SLCO5A1: variants seen among roughly 807,000 people sequenced by gnomAD.
SLCO5A1 encodes solute carrier organic anion transporter family member 5A1, also known as organic anion transporter polypeptide-related protein 4.
In SLCO5A1, 39 loss-of-function variants were observed where a neutral mutation model predicts 65.1. The ratio of observed to expected loss-of-function variants is 0.60; its 90% confidence interval spans 0.46 to 0.78. The LOEUF is 0.78. SLCO5A1 is among the 30% of genes least tolerant of loss of function. The pLI, the probability that SLCO5A1 is intolerant of heterozygous loss-of-function variation, is 0.00. For missense variants in SLCO5A1, 1,029 were observed against 1,069.4 expected (o/e 0.96, Z 0.53); for synonymous variants, 438 against 415.7 (o/e 1.05, Z -0.65).
At chr8:69,786,809 G>T (rs1819057854) in intron 2 of SLCO5A1, among the ~76,000 whole-genome samples, 1 of 152,202 alleles carries the variant, frequency 6.6e-6, no homozygotes, top group African/African-American at 2.4e-5. Flanking sequence ...AATATTTGGA[G>T]AAAGCTCTAA....
chr8:69,674,350 CAGGAAGACAGAA>C (rs1173914761), intron 9 of SLCO5A1, among the ~76,000 whole-genome samples: 1 of 152,050 alleles, frequency 6.6e-6, no homozygotes, highest in African/African-American at 2.4e-5. Flanking sequence ...GGAAGGGAGC[CAGGAAGACAGAA>C]AGGAAGGCAG....
Position 69,832,930 on chromosome 8 carries a change from A to G in SLCO5A1, c.-257T>C, listed in dbSNP as rs868071078. ...TCCGCGCGGTACTGCGATGAGCCCT[A>G]CTCGGCGTCCCTCTCCGGGCGGTAG... On this transcript the variant is annotated 5_prime_UTR_variant, in exon 2 of 10. Transcript: ENST00000260126. This position sits in a 1 kb window ranked among gnomAD's most constrained non-coding sequence, Gnocchi z 4.5. 42 of 478,394 alleles carry G rather than the reference A, an allele frequency of 8.8e-5. No individual in the cohort carries two copies. In the Middle Eastern group the frequency reaches 2.1e-3, roughly 24 times the overall value. 29.6% of individuals were successfully genotyped at this position (478,394 alleles called of 1,614,324 possible).
intron 2 of SLCO5A1, among the ~76,000 whole-genome samples, chr8:69,823,493 A>G (rs1586837970): frequency 6.6e-6 from 1 of 152,250 alleles, no homozygotes; most frequent in South Asian, 2.1e-4. Flanking sequence ...CTGATAAAAC[A>G]GACTTTAAAC....
At chr8:69,731,653 CATG>C (rs1446203717) in intron 5 of SLCO5A1, among the ~76,000 whole-genome samples, 1 of 152,208 alleles carries the variant, frequency 6.6e-6, no homozygotes, top group Non-Finnish European at 1.5e-5. Flanking sequence ...TGTAATTCAG[CATG>C]ATATTAATAC....
rs1813268300 is a variant in SLCO5A1, at chr8:69,669,407, A to G, written c.*3462T>C. 1 of 152,222 alleles carries G rather than the reference A, an allele frequency of 6.6e-6. No homozygotes were observed. Among genetic ancestry groups the G allele is most frequent in the African/African-American group, 2.4e-5 (1 of 41,462 alleles). The allele number at this position is 152,222 out of a possible 1,614,324, so 9.4% of individuals were successfully genotyped here. A position where few individuals can be genotyped will look rare whatever the true frequency, so the allele number is the denominator to read the frequency against. ...ATTGTATACATTGCGTAGTGTAAAAAATGAATAATGGAGTGAGAGAAATCT... is the reference window on the plus strand; with the variant it reads ...ATTGTATACATTGCGTAGTGTAAAAGATGAATAATGGAGTGAGAGAAATCT... On this transcript the variant is annotated 3_prime_UTR_variant, in exon 10 of 10. Transcript: ENST00000260126.
chr8:69,740,894 T>C (rs1816764418), intron 4 of SLCO5A1, among the ~76,000 whole-genome samples: 1 of 152,206 alleles, frequency 6.6e-6, no homozygotes, highest in African/African-American at 2.4e-5. Context: ...TAGTCGGTTT[T>C]TATTATTCAC....
chr8:69,741,245 G>A (rs926836281), intron 4 of SLCO5A1, among the ~76,000 whole-genome samples: 5 of 152,212 alleles, frequency 3.3e-5, no homozygotes, highest in Non-Finnish European at 5.9e-5. Flanking sequence ...AAATACTCAT[G>A]TTAGATAAGC....
At chr8:69,684,862 G>GC (rs1192008197) in intron 6 of SLCO5A1, among the ~76,000 whole-genome samples, 3 of 152,028 alleles carry the variant, frequency 2.0e-5, no homozygotes, top group Non-Finnish European at 4.4e-5. Context: ...GCACAGGAAG[G>GC]CCCCCACCAC....
chr8:69,789,229 T>C (rs1586801988), intron 2 of SLCO5A1, among the ~76,000 whole-genome samples: 1 of 152,232 alleles, frequency 6.6e-6, no homozygotes, highest in East Asian at 1.9e-4. Context: ...TATGTCTCCA[T>C]ATTGTTGGCT....
At chr8:69,824,304 C>CA (rs1255837831) in intron 2 of SLCO5A1, among the ~76,000 whole-genome samples, 10 of 152,066 alleles carry the variant, frequency 6.6e-5, no homozygotes, top group East Asian at 1.9e-4. Context: ...AATAGAGACA[C>CA]AAAAAACCCT....
chr8:69,777,215 G>A (rs542714990), intron 2 of SLCO5A1, among the ~76,000 whole-genome samples: 17 of 152,282 alleles, frequency 1.1e-4, no homozygotes, highest in Non-Finnish European at 1.9e-4. Context: ...ACTACTTAGC[G>A]ATATAAAGAA....
chr8:69,820,374 C>T (rs1049839859), intron 2 of SLCO5A1, among the ~76,000 whole-genome samples: 6 of 152,220 alleles, frequency 3.9e-5, no homozygotes, highest in African/African-American at 1.4e-4. Context: ...GACAAAGAAA[C>T]CCCTAACTTG....
At chr8:69,780,627 T>C (rs938293834) in intron 2 of SLCO5A1, among the ~76,000 whole-genome samples, 1 of 152,154 alleles carries the variant, frequency 6.6e-6, no homozygotes, top group Non-Finnish European at 1.5e-5. Context: ...GACTGTGGAA[T>C]GATAGAATAT....
chr8:69,744,016 T>A (rs1268233368), intron 4 of SLCO5A1, among the ~76,000 whole-genome samples: 1 of 152,118 alleles, frequency 6.6e-6, no homozygotes, highest in African/African-American at 2.4e-5. Context: ...CACATCCCTA[T>A]CTGCCAGGGG....
At chr8:69,702,912 C>A (rs781193835) in intron 6 of SLCO5A1, among the ~76,000 whole-genome samples, 7 of 151,952 alleles carry the variant, frequency 4.6e-5, no homozygotes, top group Non-Finnish European at 8.8e-5. Context: ...AGTTTGAGAC[C>A]AGCCTGGGCA....
chr8:69,803,972 C>T (rs1228209302), intron 2 of SLCO5A1, among the ~76,000 whole-genome samples: 2 of 152,072 alleles, frequency 1.3e-5, no homozygotes, highest in African/African-American at 4.8e-5. Flanking sequence ...GAGTTCCACA[C>T]CCCCTTCCTC....
In SLCO5A1 at chr8:69,832,838, GC is replaced by G; in HGVS notation, c.-166del. The G allele has an allele frequency of 1.4e-6, 1 of 739,018 alleles. No individual in the cohort carries two copies. The highest frequency in any genetic ancestry group is 2.2e-6 in the Non-Finnish European group (1 of 464,630). 45.8% of individuals were successfully genotyped at this position (739,018 alleles called of 1,614,324 possible). On this transcript the variant is annotated 5_prime_UTR_variant, in exon 2 of 10. It removes the in-frame stop codon of an upstream open reading frame in the 5' UTR. Transcript: ENST00000260126. The surrounding 1 kb of genome is among the most constrained non-coding windows in gnomAD (Gnocchi z 4.5). ...AGGGCATCCTCACCAGCTGCGAGGCGCCCAGTGCATCCTGATCACAGACACG... is the reference window on the plus strand; with the variant it reads ...AGGGCATCCTCACCAGCTGCGAGGCGCCAGTGCATCCTGATCACAGACACG...
At chr8:69,830,526 T>G (rs115867210) in intron 2 of SLCO5A1, among the ~76,000 whole-genome samples, 2,627 of 152,180 alleles carry the variant, frequency 0.017, 57 homozygotes, top group African/African-American at 0.06. Flanking sequence ...GTAAAATCCT[T>G]TAGCTTGTTT....
At chr8:69,705,909 A>C (rs748796218) in intron 5 of SLCO5A1, among the ~76,000 whole-genome samples, 11 of 152,252 alleles carry the variant, frequency 7.2e-5, no homozygotes, top group Non-Finnish European at 1.6e-4. Context: ...GAAGATATAC[A>C]TGCCCTGTGG....
Sources: gnomAD v4.1 joint callset for allele counts (sites outside exome capture counted in the v4.1 genomes callset) on GRCh38, gnomAD v4.1.1 for gene constraint, Gnocchi (gnomAD v3.1) non-coding constraint, MANE v1.5 for transcripts, NCBI Gene and HGNC (gene_info 2026-07-23, HGNC 2026-07-21) for gene names.